VWDE: variants seen among roughly 807,000 people sequenced by gnomAD.
VWDE encodes von Willebrand factor D and EGF domain-containing protein.
In VWDE, 207 loss-of-function variants were observed where a neutral mutation model predicts 178.4. The observed-to-expected ratio is 1.16, with a 90% CI of 1.04 to 1.30. The LOEUF is 1.30. Among genes scored for constraint, VWDE ranks in the 50% most tolerant of loss-of-function variants. The pLI, the probability that VWDE is intolerant of heterozygous loss-of-function variation, is 0.00. For missense variants in VWDE, 2,287 were observed against 1,901.3 expected (o/e 1.20, Z -3.77); for synonymous variants, 738 against 651.4 (o/e 1.13, Z -2.02).
At chr7:12,382,883 A>G (rs960693231) in intron 4 of VWDE, among the ~76,000 whole-genome samples, 2 of 151,890 alleles carry the variant, frequency 1.3e-5, no homozygotes, top group Non-Finnish European at 2.9e-5. Flanking sequence ...TTAATATTTG[A>G]AAAAACTTTA....
intron 19 of VWDE, among the ~76,000 whole-genome samples, chr7:12,346,199 C>T (rs968790410): frequency 8.6e-5 from 13 of 152,028 alleles, no homozygotes; most frequent in African/African-American, 2.7e-4. Context: ...AGTCAAAGTA[C>T]AATAATTTAT....
intron 26 of VWDE, 80 bp from the exon 27 acceptor site, chr7:12,336,316 G>C: frequency 1.7e-6 from 2 of 1,203,178 alleles, no homozygotes; most frequent in Non-Finnish European, 2.3e-6. Flanking sequence ...CTTTTCATTA[G>C]AGAGAAAAAA....
rs1562492984 is a variant in VWDE at position 12,369,578 on chromosome 7, T to C, written c.2728A>G (p.Ser910Gly). 1.3e-6 allele frequency: 2 copies of C among 1,544,690 alleles called. No individual in the cohort carries two copies. The highest frequency in any genetic ancestry group is 2.4e-5 in the South Asian group (2 of 83,726). ...TCACTGCAGTCATAGGAACTAAAGC[T>C]TGGGGAACACGCACACCCCCATTCC... ...CMEWGCACSP[S>G]FSSYDCSDSY... Residue 910 changes from serine (S) to glycine (G), a missense_variant, in exon 12 of 29, where the codon AGC becomes GGC. By Grantham distance (56) the Ser-to-Gly change is moderately conservative. Transcript: ENST00000275358.
Position 12,380,551 on chromosome 7 carries a change from C to T in VWDE, c.724G>A (p.Glu242Lys), listed in dbSNP as rs764676144. ...AGAGAGAATGCCTGAACTGTGGTCTCTTGTGTCAGCTCCTCTTTGACTTCT... is the reference window on the plus strand; with the variant it reads ...AGAGAGAATGCCTGAACTGTGGTCTTTTGTGTCAGCTCCTCTTTGACTTCT... Reference protein sequence around the residue: ...SQEVKEELTQETTVQAFSLLE... With the variant: ...SQEVKEELTQKTTVQAFSLLE... Residue 242 changes from glutamate to lysine, a missense_variant, in exon 5 of 29, where the codon GAG becomes AAG. Transcript: ENST00000275358. 1 of 1,551,982 alleles carries T rather than the reference C, an allele frequency of 6.4e-7. No individual in the cohort carries two copies. The highest frequency in any genetic ancestry group is 1.4e-5 in the African/African-American group (1 of 73,032).
chr7:12,389,241 T>C lies in VWDE; in HGVS notation c.361A>G (p.Ser121Gly). Residue 121 changes from serine (S) to glycine (G), a missense_variant, in exon 3 of 29, where the codon AGC becomes GGC. Coordinates refer to ENST00000275358, the MANE Select transcript of VWDE (RefSeq NM_001135924.3). ...TACATWQFLF[S>G]TTKDCCLFQI... ...AAGAGACAGCAGTCTTTTGTAGTGCTGAACAAAAACTGCCATGTTGCACAA... is the reference window on the plus strand; with the variant it reads ...AAGAGACAGCAGTCTTTTGTAGTGCCGAACAAAAACTGCCATGTTGCACAA... 1.9e-6 allele frequency: 3 copies of C among 1,551,736 alleles called. No individual in the cohort carries two copies. The highest frequency in any genetic ancestry group is 1.7e-6 in the Non-Finnish European group (2 of 1,146,986).
chr7:12,387,123 A>C (rs1784138770), intron 3 of VWDE, among the ~76,000 whole-genome samples: 1 of 152,128 alleles, frequency 6.6e-6, no homozygotes, highest in Middle Eastern at 3.2e-3. Context: ...ATTTTCCATA[A>C]ATGTAGTATG....
intron 13 of VWDE, among the ~76,000 whole-genome samples, chr7:12,362,589 A>T (rs1229290558): frequency 6.6e-6 from 1 of 152,060 alleles, no homozygotes; most frequent in African/African-American, 2.4e-5. Context: ...CAAAATTTAG[A>T]TTTAGATTTT....
At chr7:12,401,878 G>A (rs1562527680) in intron 1 of VWDE, among the ~76,000 whole-genome samples, 1 of 152,024 alleles carries the variant, frequency 6.6e-6, no homozygotes, top group Non-Finnish European at 1.5e-5. Context: ...TAGTCAAAAG[G>A]TGGAAACAAC....
intron 19 of VWDE, among the ~76,000 whole-genome samples, chr7:12,350,281 CATA>C (rs1233293732): frequency 6.6e-6 from 1 of 151,510 alleles, no homozygotes; most frequent in African/African-American, 2.4e-5. Context: ...TGCATAAACA[CATA>C]ATATGGAAAA....
intron 19 of VWDE, among the ~76,000 whole-genome samples, chr7:12,346,977 T>G (rs1430676508): frequency 1.3e-5 from 2 of 152,118 alleles, no homozygotes; most frequent in Non-Finnish European, 2.9e-5. Flanking sequence ...GAAAGATTTT[T>G]GAAAAATGTG....
In VWDE at chr7:12,380,739, GA is replaced by G. The variant is rs1783812393; in HGVS notation, c.542-7del. The G allele has an allele frequency of 8.4e-6, 13 of 1,550,756 alleles. No homozygotes were observed. The South Asian group carries it at 1.4e-4, about 17-fold the overall frequency. Reference sequence around the variant, plus strand: ...CAATGAGGCAGCCAGCTGACCTGGGGAGAAAATGCATAATTTGTAACTGGGA... The same window carrying G: ...CAATGAGGCAGCCAGCTGACCTGGGGGAAAATGCATAATTTGTAACTGGGA... On this transcript the variant is annotated splice_region_variant and splice_polypyrimidine_tract_variant and intron_variant, in intron 4 of 28. Coordinates refer to ENST00000275358, the MANE Select transcript of VWDE (RefSeq NM_001135924.3).
In VWDE at chr7:12,343,142, C is replaced by T; in HGVS notation, c.4115G>A (p.Cys1372Tyr). ...ACAAGTGCAGAGATTCCCAGCCAAG[C>T]ATGTGCCACCATGTTGACAAGGTGG... ...CNPPCQHGGT[C>Y]LAGNLCTCPY... The change falls in exon 22 of 29, where the codon TGC becomes TAC. Residue 1372 changes from cysteine (C) to tyrosine (Y), a missense_variant. Physicochemically the swap from Cys to Tyr is radical, Grantham distance 194 (BLOSUM62 -2). Transcript: ENST00000275358. 2 of 1,549,722 alleles carry T rather than the reference C, an allele frequency of 1.3e-6. No homozygotes were observed. Among genetic ancestry groups the T allele is most frequent in the Admixed American group, 2.0e-5 (1 of 50,938 alleles).
At chr7:12,333,631 T>C (rs2128543391) in intron 27 of VWDE, 63 bp from the exon 28 acceptor site, 1 of 1,143,532 alleles carries the variant, frequency 8.7e-7, no homozygotes, top group Non-Finnish European at 1.3e-6. Context: ...GCATATTCTA[T>C]CCTAGTGGTC....
rs1783801808 is a variant in VWDE at position 12,380,636 on chromosome 7, A to G, written c.639T>C (p.Asp213=). The change falls in exon 5 of 29, where the codon GAT becomes GAC. Residue 213 remains aspartate (D), a synonymous_variant. Coordinates refer to ENST00000275358, the MANE Select transcript of VWDE (RefSeq NM_001135924.3). ...ESRLFCRCSF[D]VPATKNSVGF... ...CCACTGAGTTTTTTGTAGCGGGAAC[A>G]TCAAAAGAACACCTACAGAAAAGCC... 1 of 1,552,160 alleles carries G rather than the reference A, an allele frequency of 6.4e-7. No homozygotes were observed. Among genetic ancestry groups the G allele is most frequent in the Non-Finnish European group, 8.7e-7 (1 of 1,147,136 alleles).
chr7:12,335,556 C>T (rs773047640), intron 27 of VWDE, among the ~76,000 whole-genome samples: 1 of 151,970 alleles, frequency 6.6e-6, no homozygotes, highest in African/African-American at 2.4e-5. Context: ...CCAGGGTTCA[C>T]GCCATTCTCC....
At position 12,336,131 on chromosome 7, in the gene VWDE, G is replaced by T. The variant is rs1781011496; in HGVS notation, c.4654+10C>A. 9 of 1,547,480 alleles carry T rather than the reference G, an allele frequency of 5.8e-6. No individual in the cohort carries two copies. The highest frequency in any genetic ancestry group is 7.9e-6 in the Non-Finnish European group (9 of 1,144,638). On this transcript the variant is annotated intron_variant, in intron 27 of 28. Coordinates refer to ENST00000275358, the MANE Select transcript of VWDE (RefSeq NM_001135924.3). ...GAACATATAGTAGGAAAAACATCCT[G>T]TGGGCTTACGTATTTGACACCGCAC...
In VWDE at chr7:12,375,354, CAT is replaced by C. The variant is rs1387660706; in HGVS notation, c.1025-129_1025-128del. On this transcript the variant is annotated intron_variant, in intron 7 of 28. Transcript: ENST00000275358. ...TCAAATTATTTTCTCTTTCTTAAAA[CAT>C]ATGGTTGCAAATTTTGTCTAAATTA... 3.4e-6 allele frequency: 3 copies of C among 872,132 alleles called. No homozygotes were observed. In the African/African-American group the frequency reaches 5.1e-5, roughly 15 times the overall value. The allele number at this position is 872,132 out of a possible 1,614,324, so 54.0% of individuals were successfully genotyped here.
At position 12,380,490 on chromosome 7, in the gene VWDE, T is replaced by A; in HGVS notation, c.785A>T (p.Asp262Val). 1.3e-6 allele frequency: 2 copies of A among 1,551,018 alleles called. No homozygotes were observed. Among genetic ancestry groups the A allele is most frequent in the Non-Finnish European group, 1.7e-6 (2 of 1,146,700 alleles). ...TGCAACTGTTTTTTAACATACCCTG[T>A]CTCCAAGTCTGAGATTTATGCCATC... ...ELDGINLRLG[D>V]RIFCSASVFF... is the part of the protein sequence containing the mutation. Residue 262 changes from aspartate to valine, a missense_variant, in exon 5 of 29, where the codon GAC (aspartate) becomes GTC (valine). Coordinates refer to ENST00000275358, the MANE Select transcript of VWDE (RefSeq NM_001135924.3).
intron 23 of VWDE, 47 bp downstream of exon 23, chr7:12,342,012 T>C (rs1189874173): frequency 6.8e-7 from 1 of 1,466,638 alleles, no homozygotes; most frequent in Admixed American, 2.0e-5. Context: ...CATTGGCATA[T>C]TTTAACTTTT....
Sources: gnomAD v4.1 joint callset for allele counts (sites outside exome capture counted in the v4.1 genomes callset) on GRCh38, gnomAD v4.1.1 for gene constraint, MANE v1.5 for transcripts, NCBI Gene and HGNC (gene_info 2026-07-23, HGNC 2026-07-21) for gene names.